The following PCNX3 variants were observed in gnomAD, a reference collection of about 807,000 sequenced individuals.
PCNX3 encodes pecanex-like protein 3.
A neutral mutation model predicts 207.2 loss-of-function variants in PCNX3; 58 were observed. The ratio of observed to expected loss-of-function variants is 0.28; its 90% CI spans 0.23 to 0.35. The LOEUF (loss-of-function observed/expected upper bound fraction) is 0.35, where lower values mean the gene tolerates loss of function less well. Ranked by LOEUF, PCNX3 falls within the 10% of genes least tolerant of loss-of-function variation. The pLI is 1.00. For missense variants in PCNX3, 2,410 were observed against 2,774.4 expected (o/e 0.87, Z 2.95); for synonymous variants, 1,337 against 1,183.5 (o/e 1.13, Z -2.66).
Position 65,637,298 on chromosome 11 carries a change from G to T in PCNX3, c.*320G>T. The stretch of plus-strand genomic sequence containing the variant: ...CTCAGCCCCTGGGCCTGCACTGCCT[G>T]CAGGTGTGGCCCCCTTGGCCTGGAC... On this transcript the variant is annotated 3_prime_UTR_variant, in exon 35 of 35. Transcript: ENST00000355703. 2.8e-6 allele frequency: 1 copy of T among 353,386 alleles called. No homozygotes were observed. 21.9% of individuals were successfully genotyped at this position (353,386 alleles called of 1,614,324 possible).
In PCNX3 at chr11:65,621,097, G is replaced by A. The variant is rs1855069616; in HGVS notation, c.2235+131G>A. On this transcript the variant is annotated intron_variant, in intron 10 of 34. Coordinates refer to ENST00000355703, the MANE Select transcript of PCNX3 (RefSeq NM_032223.4). Reference sequence around the variant, plus strand: ...GGGCAGTGCTGAGTGAGCGCTCCAGGGGCCCTACTGTGTCTGTCCTGATCT... The same window carrying A: ...GGGCAGTGCTGAGTGAGCGCTCCAGAGGCCCTACTGTGTCTGTCCTGATCT... The A allele has an allele frequency of 2.5e-6, 3 of 1,208,478 alleles. No individual in the cohort carries two copies. In the African/African-American group the frequency reaches 4.6e-5, roughly 19 times the overall value. 74.9% of individuals were successfully genotyped at this position (1,208,478 alleles called of 1,614,324 possible). A position where few individuals can be genotyped will look rare whatever the true frequency, so the allele number is the denominator to read the frequency against.
chr11:65,624,191 T>G lies in PCNX3; in HGVS notation c.2545-4T>G, dbSNP rs1855259605. On this transcript the variant is annotated splice_region_variant and splice_polypyrimidine_tract_variant and intron_variant, in intron 13 of 34. Coordinates refer to ENST00000355703, the MANE Select transcript of PCNX3 (RefSeq NM_032223.4). ...ACCCAGCTCCTCATGGGCTGACCCCTCAGGGCCACAACTGGGTGATCGCGT... is the reference window on the plus strand; with the variant it reads ...ACCCAGCTCCTCATGGGCTGACCCCGCAGGGCCACAACTGGGTGATCGCGT... 10 of 1,601,598 alleles carry G rather than the reference T, an allele frequency of 6.2e-6. No individual in the cohort carries two copies. Among genetic ancestry groups the G allele is most frequent in the Non-Finnish European group, 8.5e-6 (10 of 1,175,930 alleles).
Position 65,636,175 on chromosome 11 carries a change from C to T in PCNX3, c.5461C>T (p.Leu1821Phe). ...AHWLLRTWER[L>F]HKGCGAGCNS... ...CCTTTTCTACCTCTCCACCCCCAGG[C>T]TTCACAAGGGCTGTGGCGCCGGCTG... is the stretch of plus-strand genomic sequence containing the variant. Residue 1821 changes from leucine (L) to phenylalanine (F), a missense_variant and splice_region_variant, in exon 33 of 35, where the codon CTT (leucine) becomes TTT (phenylalanine). Leu to Phe is a conservative substitution (Grantham distance 22). This residue lies in a region of PCNX3 where 59 missense variants were observed against 83.9 expected (regional missense o/e 0.70). Coordinates refer to ENST00000355703, the MANE Select transcript of PCNX3 (RefSeq NM_032223.4). The T allele has an allele frequency of 1.3e-6, 2 of 1,599,798 alleles. No homozygotes were observed. Among genetic ancestry groups the T allele is most frequent in the Non-Finnish European group, 1.7e-6 (2 of 1,173,186 alleles).
chr11:65,626,187 C>T, intron 20 of PCNX3, 133 bp downstream of exon 20: 1 of 1,239,366 alleles, frequency 8.1e-7, no homozygotes, highest in African/African-American at 1.5e-5. Flanking sequence ...TTTCTGCTCC[C>T]TCCCTGCCCT....
intron 29 of PCNX3, 127 bp downstream of exon 29, chr11:65,634,768 T>G: frequency 8.5e-7 from 1 of 1,178,298 alleles, no homozygotes; most frequent in Non-Finnish European, 1.2e-6. Flanking sequence ...GGGTACCTCT[T>G]CTCCCACGGG....
intron 14 of PCNX3, 23 bp downstream of exon 14, chr11:65,624,389 G>A (rs1855270715): frequency 6.4e-7 from 1 of 1,552,180 alleles, no homozygotes; most frequent in African/African-American, 1.4e-5. Flanking sequence ...CAGGGATGAG[G>A]TGGCCCAGGA....
At chr11:65,626,807 G>T in intron 20 of PCNX3, 97 bp from the exon 21 acceptor site, 1 of 1,518,736 alleles carries the variant, frequency 6.6e-7, no homozygotes, top group Non-Finnish European at 8.9e-7. Context: ...GGTCTCCGAG[G>T]AGTCAGGACC....
At position 65,627,496 on chromosome 11, in the gene PCNX3, A is replaced by T. The variant is rs996570573; in HGVS notation, c.3616A>T (p.Thr1206Ser). 6.2e-7 allele frequency: 1 copy of T among 1,613,566 alleles called. No homozygotes were observed. The highest frequency in any genetic ancestry group is 1.3e-5 in the African/African-American group (1 of 74,850). The change falls in exon 22 of 35, where the codon ACC becomes TCC. Residue 1206 changes from threonine (T) to serine (S), a missense_variant. Coordinates refer to ENST00000355703, the MANE Select transcript of PCNX3 (RefSeq NM_032223.4). The part of the protein sequence containing the change: ...PPQQYLTLAF[T>S]VLLFHFDYPR... The stretch of plus-strand genomic sequence containing the variant: ...ACAGCAGTACCTGACGTTGGCCTTC[A>T]CCGTCCTGCTCTTCCACTTTGACTA...
In PCNX3 at chr11:65,636,781, A is replaced by T. The variant is rs1453015412; in HGVS notation, c.5908A>T (p.Ser1970Cys). 6.6e-7 allele frequency: 1 copy of T among 1,520,430 alleles called. No individual in the cohort carries two copies. The highest frequency in any genetic ancestry group is 8.8e-7 in the Non-Finnish European group (1 of 1,135,852). 94.2% of individuals were successfully genotyped at this position (1,520,430 alleles called of 1,614,324 possible). ...TPKSQAPLDL[S>C]LSLSLSLSPD... The stretch of plus-strand genomic sequence containing the variant: ...CCTCCCCCAGGCGCCTCTAGACCTC[A>T]GCCTCAGCCTCAGCCTCAGCCTCAG... The change falls in exon 35 of 35, where the codon AGC becomes TGC. Residue 1970 changes from serine to cysteine, a missense_variant. Ser to Cys is a moderately radical substitution (Grantham distance 112, BLOSUM62 -1). Coordinates refer to ENST00000355703, the MANE Select transcript of PCNX3 (RefSeq NM_032223.4).
At chr11:65,627,251 G>T (rs1236995107) in intron 21 of PCNX3, among the ~76,000 whole-genome samples, 154 bp from the exon 22 acceptor site, 1 of 152,192 alleles carries the variant, frequency 6.6e-6, no homozygotes, top group East Asian at 1.9e-4. Flanking sequence ...TGGAAGAGCA[G>T]AGACTAAGAG....
rs765774312 is a variant in PCNX3, at chr11:65,635,508, AC to A, written c.5185-18del. On this transcript the variant is annotated intron_variant, in intron 31 of 34. Transcript: ENST00000355703. This position sits in a 1 kb window ranked among gnomAD's most constrained non-coding sequence, Gnocchi z 9.9. ...CAAACCCCCTTGGGCCGGCCCCCTG[AC>A]CCTGGCGTGTGGCTCTCAGGTGAAC... The A allele has an allele frequency of 2.5e-6, 4 of 1,608,274 alleles. No homozygotes were observed. In the South Asian group the frequency reaches 4.4e-5, roughly 18 times the overall value.
intron 27 of PCNX3, among the ~76,000 whole-genome samples, chr11:65,631,888 T>C (rs974137951): frequency 3.3e-5 from 5 of 152,104 alleles, no homozygotes; most frequent in African/African-American, 7.2e-5. Flanking sequence ...GGAAATCCTG[T>C]CCACACCACA....
At chr11:65,630,214 A>G in intron 26 of PCNX3, 137 bp from the exon 27 acceptor site, 1 of 1,278,522 alleles carries the variant, frequency 7.8e-7, no homozygotes, top group Non-Finnish European at 1.1e-6. Context: ...GAATCTTGGC[A>G]TCCAATAAGG....
chr11:65,636,659 G>C lies in PCNX3; in HGVS notation c.5862G>C (p.Gly1954=). Residue 1954 remains glycine (G), a synonymous_variant, in exon 34 of 35, where the codon GGG becomes GGC. Transcript: ENST00000355703. ...LGGSDGEPAS[G]SPKGGTPKSQ... The stretch of plus-strand genomic sequence containing the variant: ...GATCTGACGGGGAGCCAGCCTCAGG[G>C]AGCCCCAAAGGAGGTACCCCCAAAT... 1.3e-6 allele frequency: 2 copies of C among 1,584,586 alleles called. No homozygotes were observed. Among genetic ancestry groups the C allele is most frequent in the Non-Finnish European group, 1.7e-6 (2 of 1,167,844 alleles).
In PCNX3 at chr11:65,637,377, C is replaced by CTTT. The variant is rs377458419; in HGVS notation, c.*415_*417dup. 1.5e-3 allele frequency: 203 copies of CTTT among 132,928 alleles called. 1 individual carries two copies. Among genetic ancestry groups the CTTT allele is most frequent in the East Asian group, 5.2e-3 (23 of 4,448 alleles). 8.2% of individuals were successfully genotyped at this position (132,928 alleles called of 1,614,324 possible). A position where few individuals can be genotyped will look rare whatever the true frequency, so the allele number is the denominator to read the frequency against. On this transcript the variant is annotated 3_prime_UTR_variant, in exon 35 of 35. Transcript: ENST00000355703. ...TTCTTTCTTTCCTTTTTTTTCTTTT[C>CTTT]TTTTTTTTTTTTTTTTTTGTGCTTC...
At position 65,618,826 on chromosome 11, in the gene PCNX3, C is replaced by T; in HGVS notation, c.1464C>T (p.Thr488=). 1.9e-6 allele frequency: 3 copies of T among 1,611,348 alleles called. No individual in the cohort carries two copies. Among genetic ancestry groups the T allele is most frequent in the Middle Eastern group, 3.3e-4 (2 of 6,058 alleles). Residue 488 remains threonine (T), a synonymous_variant, in exon 6 of 35, where the codon ACC becomes ACT. Transcript: ENST00000355703. The stretch of plus-strand genomic sequence containing the variant: ...TGCCCCCCAAGCGGCCATATGGGAC[C>T]CAGCGGACGCCTAGTACCGCCAGCG... ...TAVPPKRPYG[T]QRTPSTASAK...
At chr11:65,633,698 G>C (rs1265290648) in intron 27 of PCNX3, among the ~76,000 whole-genome samples, 1 of 152,202 alleles carries the variant, frequency 6.6e-6, no homozygotes, top group Non-Finnish European at 1.5e-5. Flanking sequence ...AGAGGCGGGT[G>C]GGGGACAGGG....
Position 65,637,050 on chromosome 11 carries a change from C to T in PCNX3, c.*72C>T. On this transcript the variant is annotated 3_prime_UTR_variant, in exon 35 of 35. Transcript: ENST00000355703. ...CTGCTCTGCTGCCTCTCTGCTGGACCACAGAACTGAGTGGCTTTGGCCTAC... is the reference window on the plus strand; with the variant it reads ...CTGCTCTGCTGCCTCTCTGCTGGACTACAGAACTGAGTGGCTTTGGCCTAC... 6.8e-7 allele frequency: 1 copy of T among 1,470,872 alleles called. No individual in the cohort carries two copies. 91.1% of individuals were successfully genotyped at this position (1,470,872 alleles called of 1,614,324 possible).
Position 65,616,417 on chromosome 11 carries a change from C to T in PCNX3, c.106C>T (p.Leu36Phe), listed in dbSNP as rs755503006. ...HQSTFSNCFH[L>F]YVWIFLLIFP... Reference sequence around the variant, plus strand: ...GAGCACCTTCTCCAACTGCTTCCACCTCTATGTCTGGATCTTCCTGCTCAT... The same window carrying T: ...GAGCACCTTCTCCAACTGCTTCCACTTCTATGTCTGGATCTTCCTGCTCAT... Residue 36 changes from leucine to phenylalanine, a missense_variant, in exon 1 of 35, where the codon CTC becomes TTC. This residue lies in a region of PCNX3 where 1,104 missense variants were observed against 970.3 expected (regional missense o/e 1.14). Transcript: ENST00000355703. 13 of 1,610,514 alleles carry T rather than the reference C, an allele frequency of 8.1e-6. No individual in the cohort carries two copies. The highest frequency in any genetic ancestry group is 1.7e-4 in the Middle Eastern group (1 of 6,058).
Sources: gnomAD v4.1 joint callset for allele counts (sites outside exome capture counted in the v4.1 genomes callset) on GRCh38, gnomAD v4.1.1 for gene constraint, gnomAD v4.1.1 regional missense constraint, Gnocchi (gnomAD v3.1) non-coding constraint, MANE v1.5 for transcripts, NCBI Gene and HGNC (gene_info 2026-07-23, HGNC 2026-07-21) for gene names.